LMX1A: variants seen among roughly 807,000 people sequenced by gnomAD.
LMX1A encodes LIM homeobox transcription factor 1-alpha.
A neutral mutation model predicts 49.1 loss-of-function variants in LMX1A; 15 were observed. That is an observed-to-expected ratio of 0.31 (90% CI 0.20 to 0.47). The LOEUF is 0.47. Among genes scored for constraint, LMX1A ranks in the 20% least tolerant of loss-of-function variants. The pLI is 1.00. For missense variants in LMX1A, 372 were observed against 475.8 expected (o/e 0.78, Z 2.03); for synonymous variants, 167 against 185.7 (o/e 0.90, Z 0.82).
chr1:165,298,241 C>A (rs138806738), intron 3 of LMX1A, among the ~76,000 whole-genome samples: 1 of 152,152 alleles, frequency 6.6e-6, no homozygotes, highest in East Asian at 1.9e-4. Context: ...CAGCTATTTG[C>A]GGAGATGAGA....
At chr1:165,316,604 C>CACACAA (rs1361144290) in intron 3 of LMX1A, among the ~76,000 whole-genome samples, 1 of 152,212 alleles carries the variant, frequency 6.6e-6, no homozygotes, top group African/African-American at 2.4e-5. Context: ...CTGAGACATA[C>CACACAA]GCACAAGTGC....
chr1:165,249,777 G>T, intron 3 of LMX1A, 137 bp from the exon 4 acceptor site: 1 of 663,212 alleles, frequency 1.5e-6, no homozygotes. Flanking sequence ...TTTAAATCCA[G>T]GTTATTTATT....
chr1:165,287,331 T>C (rs551101349), intron 3 of LMX1A, among the ~76,000 whole-genome samples: 1 of 152,268 alleles, frequency 6.6e-6, no homozygotes, highest in South Asian at 2.1e-4. Flanking sequence ...CTGAACTCTC[T>C]CTCCCTCTAT....
intron 3 of LMX1A, among the ~76,000 whole-genome samples, chr1:165,290,741 A>G (rs1654444914): frequency 6.6e-6 from 1 of 152,234 alleles, no homozygotes; most frequent in African/African-American, 2.4e-5. Flanking sequence ...TTTGGACAAG[A>G]CATTAGAAAT....
At chr1:165,258,326 A>C (rs1653316588) in intron 3 of LMX1A, among the ~76,000 whole-genome samples, 1 of 152,196 alleles carries the variant, frequency 6.6e-6, no homozygotes, top group South Asian at 2.1e-4. Flanking sequence ...TTGTGGCCTT[A>C]GAAGTAGTGA....
chr1:165,299,145 T>C (rs1350865151), intron 3 of LMX1A, among the ~76,000 whole-genome samples: 1 of 152,246 alleles, frequency 6.6e-6, no homozygotes, highest in Non-Finnish European at 1.5e-5. Flanking sequence ...TGCCTGATTC[T>C]TCCTCTTCTC....
At chr1:165,212,308 G>A (rs562705126) in intron 5 of LMX1A, among the ~76,000 whole-genome samples, 1 of 152,106 alleles carries the variant, frequency 6.6e-6, no homozygotes, top group Admixed American at 6.5e-5. Context: ...AGAGATTTTC[G>A]ATGGGCTTCC....
At chr1:165,226,204 G>A (rs376559219) in intron 4 of LMX1A, among the ~76,000 whole-genome samples, 1 of 152,164 alleles carries the variant, frequency 6.6e-6, no homozygotes, top group Non-Finnish European at 1.5e-5. Context: ...TGTGATGGCT[G>A]TTAAGCACCA....
chr1:165,221,397 A>G (rs1053855675), intron 4 of LMX1A, among the ~76,000 whole-genome samples: 1 of 150,604 alleles, frequency 6.6e-6, no homozygotes, highest in Non-Finnish European at 1.5e-5. Context: ...TCTCCCCCCA[A>G]CTCCCCCCAA....
intron 3 of LMX1A, among the ~76,000 whole-genome samples, chr1:165,296,884 C>G (rs1257224716): frequency 6.6e-6 from 1 of 152,224 alleles, no homozygotes; most frequent in Non-Finnish European, 1.5e-5. Flanking sequence ...CTTGATTTAG[C>G]AAGAAGGTGG....
intron 3 of LMX1A, among the ~76,000 whole-genome samples, chr1:165,261,225 C>T (rs573997589): frequency 2.8e-4 from 42 of 152,198 alleles, no homozygotes; most frequent in African/African-American, 8.7e-4. Flanking sequence ...GAAGTGACAC[C>T]GTTCTTGTTT....
chr1:165,319,040 CA>C (rs1655306048), intron 3 of LMX1A, among the ~76,000 whole-genome samples: 2 of 146,882 alleles, frequency 1.4e-5, no homozygotes, highest in African/African-American at 5.1e-5. Context: ...CACACACACA[CA>C]CCCCAACTTC....
chr1:165,216,367 G>A (rs1430170516), intron 4 of LMX1A, among the ~76,000 whole-genome samples: 1 of 152,272 alleles, frequency 6.6e-6, no homozygotes, highest in Non-Finnish European at 1.5e-5. Context: ...CCAAACTTTG[G>A]TGTTTAGTGA....
intron 3 of LMX1A, among the ~76,000 whole-genome samples, chr1:165,310,162 T>G (rs188926366): frequency 6.6e-6 from 1 of 152,330 alleles, no homozygotes; most frequent in Admixed American, 6.5e-5. Context: ...GCAGGGACAT[T>G]TGACACCCCA....
chr1:165,249,503 T>C lies in LMX1A; in HGVS notation c.401A>G (p.Glu134Gly). 1 of 1,614,054 alleles carries C rather than the reference T, an allele frequency of 6.2e-7. No homozygotes were observed. Among genetic ancestry groups the C allele is most frequent in the Non-Finnish European group, 8.5e-7 (1 of 1,180,004 alleles). ...CAGCTGCCCCTCCTTCAGGACAAAC[T>C]CATCACCCTTCTGAAGCTGTCGCTC... is the stretch of plus-strand genomic sequence containing the variant. The part of the protein sequence containing the change: ...VCERQLQKGD[E>G]FVLKEGQLLC... Residue 134 changes from glutamate (E) to glycine (G), a missense_variant, in exon 4 of 9, where the codon GAG becomes GGG. This residue lies in a region of LMX1A where 199 missense variants were observed against 244.0 expected (regional missense o/e 0.82). Coordinates refer to ENST00000342310, the MANE Select transcript of LMX1A (RefSeq NM_177398.4).
intron 3 of LMX1A, among the ~76,000 whole-genome samples, chr1:165,276,044 G>A (rs938460946): frequency 3.9e-5 from 6 of 152,068 alleles, no homozygotes; most frequent in Middle Eastern, 3.4e-3. Flanking sequence ...CACCCCACCC[G>A]AGAGGCTGGC....
At chr1:165,222,298 A>G (rs1269838149) in intron 4 of LMX1A, among the ~76,000 whole-genome samples, 1 of 152,232 alleles carries the variant, frequency 6.6e-6, no homozygotes, top group African/African-American at 2.4e-5. Context: ...CAGTCTAGAT[A>G]AAAGCTCATT....
At chr1:165,343,746 C>T (rs1479144934) in intron 3 of LMX1A, among the ~76,000 whole-genome samples, 2 of 152,198 alleles carry the variant, frequency 1.3e-5, no homozygotes, top group Non-Finnish European at 2.9e-5. Context: ...AAAGTGGGTG[C>T]ATAATACTGG....
At chr1:165,306,343 G>A (rs368259051) in intron 3 of LMX1A, among the ~76,000 whole-genome samples, 40 of 152,322 alleles carry the variant, frequency 2.6e-4, no homozygotes, top group African/African-American at 9.4e-4. Flanking sequence ...GCAGTGGAAT[G>A]TGAGTAAATG....
Sources: allele counts gnomAD v4.1 joint callset (sites outside exome capture counted in the v4.1 genomes callset), GRCh38; gene constraint gnomAD v4.1.1; regional missense constraint gnomAD v4.1.1; transcripts MANE v1.5; gene names NCBI Gene and HGNC (gene_info 2026-07-23, HGNC 2026-07-21).